The following KIAA1549 variants were observed in gnomAD, a reference collection of about 807,000 sequenced individuals.
KIAA1549 encodes the protein UPF0606 protein KIAA1549.
A neutral mutation model predicts 156.4 loss-of-function variants in KIAA1549; 70 were observed. The ratio of observed to expected loss-of-function variants is 0.45; its 90% CI spans 0.37 to 0.55. KIAA1549 has a LOEUF of 0.55. KIAA1549 is among the 20% of genes least tolerant of loss of function. The pLI, the probability that KIAA1549 is intolerant of heterozygous loss-of-function variation, is 0.00. For missense variants in KIAA1549, 2,428 were observed against 2,540.9 expected (o/e 0.96, Z 0.96); for synonymous variants, 1,103 against 1,066.4 (o/e 1.03, Z -0.67).
At chr7:138,860,830 G>A (rs143880753) in intron 16 of KIAA1549, among the ~76,000 whole-genome samples, 3 of 152,232 alleles carry the variant, frequency 2.0e-5, no homozygotes, top group East Asian at 3.9e-4. Context: ...CCTCCATTCC[G>A]TGACACTGTT....
intron 1 of KIAA1549, among the ~76,000 whole-genome samples, chr7:138,979,720 T>C (rs1371143730): frequency 6.6e-6 from 1 of 152,204 alleles, no homozygotes; most frequent in African/African-American, 2.4e-5. Context: ...CGGGAGGTCC[T>C]AGGTTAGAGT....
chr7:138,889,353 T>C (rs1262094043), intron 10 of KIAA1549, among the ~76,000 whole-genome samples: 1 of 152,206 alleles, frequency 6.6e-6, no homozygotes, highest in African/African-American at 2.4e-5. Flanking sequence ...AACATGACAG[T>C]ATTCATGAAA....
rs191159961 is a variant in KIAA1549 at position 138,869,804 on chromosome 7, G to A, written c.4552-43C>T. The A allele has an allele frequency of 1.6e-5, 23 of 1,453,490 alleles. 1 individual carries two copies. The highest frequency in any genetic ancestry group is 9.1e-5 in the Admixed American group (5 of 54,850). The allele number at this position is 1,453,490 out of a possible 1,614,324, so 90.0% of individuals were successfully genotyped here. A position where few individuals can be genotyped will look rare whatever the true frequency, so the allele number is the denominator to read the frequency against. On this transcript the variant is annotated intron_variant, in intron 13 of 19. Transcript: ENST00000422774. The stretch of plus-strand genomic sequence containing the variant: ...AGAGAAAGACAGCCATAGAGGTCCC[G>A]GGAAGCTTCTGGGACACACACTTCG...
At chr7:138,839,971 T>C (rs1415254111) in intron 19 of KIAA1549, among the ~76,000 whole-genome samples, 162 bp downstream of exon 19, 1 of 151,778 alleles carries the variant, frequency 6.6e-6, no homozygotes, top group Non-Finnish European at 1.5e-5. Flanking sequence ...TTTGTATTTT[T>C]AGTAGAGACG....
intron 1 of KIAA1549, among the ~76,000 whole-genome samples, chr7:138,931,881 A>T (rs750127349): frequency 2.6e-5 from 4 of 152,204 alleles, no homozygotes; most frequent in Non-Finnish European, 5.9e-5. Context: ...TCCCGTCACT[A>T]AAAGGCATTA....
intron 15 of KIAA1549, among the ~76,000 whole-genome samples, chr7:138,864,209 A>G (rs1433894324): frequency 1.3e-5 from 2 of 152,246 alleles, no homozygotes; most frequent in Non-Finnish European, 2.9e-5. Context: ...TGCAGGCACA[A>G]ACTGAGATTC....
intron 5 of KIAA1549, 85 bp from the exon 6 acceptor site, chr7:138,907,187 C>T: frequency 8.5e-7 from 1 of 1,179,294 alleles, no homozygotes; most frequent in Non-Finnish European, 1.1e-6. Flanking sequence ...CAGGTCCTCT[C>T]ACCGATTTTT....
rs146437235 is a variant in KIAA1549, at chr7:138,955,961, T to C, written c.187+25122A>G. On this transcript the variant is annotated intron_variant, in intron 1 of 19. Transcript: ENST00000422774. ...CAGGCTGGAGTGCAGTGGTGCGATCTTGGCTCACTGCAACCTCCACCTCCT... is the reference window on the plus strand; with the variant it reads ...CAGGCTGGAGTGCAGTGGTGCGATCCTGGCTCACTGCAACCTCCACCTCCT... Among the ~76,000 whole-genome samples, 36 of 152,268 alleles carry C rather than the reference T, an allele frequency of 2.4e-4. No individual in the cohort carries two copies. In the East Asian group the frequency reaches 7.0e-3, roughly 29 times the overall value.
chr7:138,905,910 C>T (rs1811992718), intron 6 of KIAA1549, among the ~76,000 whole-genome samples: 1 of 152,164 alleles, frequency 6.6e-6, no homozygotes, highest in South Asian at 2.1e-4. Flanking sequence ...ATCATCACCA[C>T]AATGAAGATA....
chr7:138,890,230 C>T (rs1362736425), intron 10 of KIAA1549, among the ~76,000 whole-genome samples: 2 of 152,110 alleles, frequency 1.3e-5, no homozygotes, highest in Admixed American at 6.5e-5. Flanking sequence ...AATGTGAACA[C>T]GTGGGCCATA....
In KIAA1549 at chr7:138,850,929, T is replaced by C. The variant is rs781474690; in HGVS notation, c.5294+1294A>G. Reference sequence around the variant, plus strand: ...CTTCTTGAAATTTTTTAAGATTTGTTATGGTCCAGCATATGGTAAATTTTT... The same window carrying C: ...CTTCTTGAAATTTTTTAAGATTTGTCATGGTCCAGCATATGGTAAATTTTT... On this transcript the variant is annotated intron_variant, in intron 17 of 19. Coordinates refer to ENST00000422774, the MANE Select transcript of KIAA1549 (RefSeq NM_001164665.2). Among the ~76,000 whole-genome samples, 29 of 152,188 alleles carry C rather than the reference T, an allele frequency of 1.9e-4. 1 individual carries two copies. Among genetic ancestry groups the C allele is most frequent in the Non-Finnish European group, 1.8e-4 (12 of 68,034 alleles).
In KIAA1549 at chr7:138,948,059, G is replaced by A. The variant is rs137985759; in HGVS notation, c.188-28621C>T. Among the ~76,000 whole-genome samples the A allele has an allele frequency of 1.7e-3, 259 of 152,206 alleles. 4 individuals carry two copies. The East Asian group carries it at 0.034, about 20-fold the overall frequency. On this transcript the variant is annotated intron_variant, in intron 1 of 19. Coordinates refer to ENST00000422774, the MANE Select transcript of KIAA1549 (RefSeq NM_001164665.2). ...ATTACAGGTGTGAGCCACTGCACCC[G>A]GCCTCAGGGACCAGCTTCTTATCAC...
chr7:138,847,712 CTATTCTTGGCCCT>C (rs1327703643), intron 17 of KIAA1549, among the ~76,000 whole-genome samples: 2 of 152,214 alleles, frequency 1.3e-5, no homozygotes, highest in East Asian at 1.9e-4. Context: ...AGTGTCTGGG[CTATTCTTGGCCCT>C]TTGCATTTCC....
intron 1 of KIAA1549, among the ~76,000 whole-genome samples, chr7:138,975,385 T>C (rs550199221): frequency 6.6e-6 from 1 of 152,084 alleles, no homozygotes; most frequent in African/African-American, 2.4e-5. Context: ...GCCTAGAACA[T>C]CTACCAGGCA....
intron 10 of KIAA1549, among the ~76,000 whole-genome samples, chr7:138,883,084 T>C (rs1183690309): frequency 6.3e-5 from 4 of 63,944 alleles, no homozygotes; most frequent in Non-Finnish European, 1.1e-4. Flanking sequence ...AAACCCCATC[T>C]CCCCTAAAAA....
intron 17 of KIAA1549, among the ~76,000 whole-genome samples, chr7:138,845,102 T>C (rs952621732): frequency 2.0e-5 from 3 of 152,178 alleles, no homozygotes; most frequent in Non-Finnish European, 4.4e-5. Context: ...AGAGCTTTTG[T>C]TTCTGTGGAT....
Position 138,833,611 on chromosome 7 carries a change from G to A in KIAA1549, c.*4295C>T, listed in dbSNP as rs1050728411. On this transcript the variant is annotated 3_prime_UTR_variant, in exon 20 of 20. Coordinates refer to ENST00000422774, the MANE Select transcript of KIAA1549 (RefSeq NM_001164665.2). ...AACACTATGAAATTAATAAAATTTG[G>A]AGAAAAATGTGTAGGTAGCAGTAAA... The A allele has an allele frequency of 7.3e-5, 17 of 232,312 alleles. No individual in the cohort carries two copies. Among genetic ancestry groups the A allele is most frequent in the Non-Finnish European group, 1.3e-4 (15 of 117,566 alleles). The allele number at this position is 232,312 out of a possible 1,614,324, so 14.4% of individuals were successfully genotyped here.
At chr7:138,897,369 T>C (rs1263462064) in intron 9 of KIAA1549, among the ~76,000 whole-genome samples, 1 of 152,204 alleles carries the variant, frequency 6.6e-6, no homozygotes, top group Admixed American at 6.5e-5. Flanking sequence ...GCTCTCATCT[T>C]GGTTGGTCTC....
intron 1 of KIAA1549, among the ~76,000 whole-genome samples, chr7:138,951,799 T>A (rs1343254042): frequency 6.6e-6 from 1 of 152,116 alleles, no homozygotes; most frequent in African/African-American, 2.4e-5. Context: ...AAGAACATAA[T>A]ACATATGTCT....
Sources: gnomAD v4.1 joint callset for allele counts (sites outside exome capture counted in the v4.1 genomes callset) on GRCh38, gnomAD v4.1.1 for gene constraint, MANE v1.5 for transcripts, NCBI Gene and HGNC (gene_info 2026-07-23, HGNC 2026-07-21) for gene names.